PIEZO2: variants seen among roughly 807,000 people sequenced by gnomAD.
The protein encoded by PIEZO2 is piezo-type mechanosensitive ion channel component 2.
A neutral mutation model predicts 337.3 loss-of-function variants in PIEZO2; 172 were observed. The observed-to-expected ratio is 0.51, with a 90% CI of 0.45 to 0.58. The LOEUF (loss-of-function observed/expected upper bound fraction) is 0.58. PIEZO2 is among the 20% of genes least tolerant of loss of function. The pLI is 0.00. For missense variants in PIEZO2, 3,028 were observed against 3,391.3 expected (o/e 0.89, Z 2.66); for synonymous variants, 1,251 against 1,228.5 (o/e 1.02, Z -0.38).
intron 27 of PIEZO2, among the ~76,000 whole-genome samples, chr18:10,755,601 G>T (rs891428802): frequency 6.6e-6 from 1 of 152,200 alleles, no homozygotes; most frequent in African/African-American, 2.4e-5. Flanking sequence ...GTGAATGCAT[G>T]GTGAGAGGTC....
chr18:10,818,350 C>A (rs2040425230), intron 7 of PIEZO2, among the ~76,000 whole-genome samples: 1 of 152,192 alleles, frequency 6.6e-6, no homozygotes, highest in African/African-American at 2.4e-5. Context: ...ATATGTAGCC[C>A]ATTTCATGGC....
chr18:10,995,083 A>AAAAAAAAAAAAAAAG (rs2035268454), intron 2 of PIEZO2, among the ~76,000 whole-genome samples: 6 of 59,878 alleles, frequency 1.0e-4, no homozygotes, highest in African/African-American at 3.3e-4. Context: ...GTCTCAAAAA[A>AAAAAAAAAAAAAAAG]AAAAAAAAAA....
chr18:10,726,821 A>G lies in PIEZO2; in HGVS notation c.5029+4586T>C, dbSNP rs2036564223. On this transcript the variant is annotated intron_variant, in intron 36 of 55. Transcript: ENST00000674853. This position sits in a 1 kb window ranked among gnomAD's most constrained non-coding sequence, Gnocchi z 5.9. ...CACCTGCGGCCCCATGGGGTGCTGG[A>G]TAATACCCGGATGCCCCACCTTATG... The G allele has an allele frequency of 1.9e-6, 3 of 1,573,564 alleles. No individual in the cohort carries two copies. The East Asian group carries it at 6.7e-5, about 35-fold the overall frequency.
intron 3 of PIEZO2, among the ~76,000 whole-genome samples, chr18:10,958,569 AG>A (rs2033635334): frequency 6.6e-6 from 1 of 152,242 alleles, no homozygotes; most frequent in Non-Finnish European, 1.5e-5. Context: ...AAGTTCACAA[AG>A]TAATGGATAT....
rs945856060 is a variant in PIEZO2, at chr18:11,092,579, CT to C, written c.65-26358del. Among the ~76,000 whole-genome samples, 3 of 152,040 alleles carry C rather than the reference CT, an allele frequency of 2.0e-5. No individual in the cohort carries two copies. The highest frequency in any genetic ancestry group is 7.2e-5 in the African/African-American group (3 of 41,394). On this transcript the variant is annotated intron_variant, in intron 1 of 55. Transcript: ENST00000674853. The surrounding 1 kb of genome is among the most constrained non-coding windows in gnomAD (Gnocchi z 4.5). ...AAAATAAGTTATTAATGTTAAAATT[CT>C]TTTTTAAATTCCCTTGAAAAAACCT...
intron 2 of PIEZO2, among the ~76,000 whole-genome samples, chr18:11,065,362 C>T (rs980038312): frequency 3.9e-5 from 6 of 152,104 alleles, no homozygotes; most frequent in African/African-American, 9.7e-5. Context: ...TGGCACAGGC[C>T]GTACTTCTCA....
chr18:10,933,887 C>T lies in PIEZO2; in HGVS notation c.287-22659G>A, dbSNP rs143166719. On this transcript the variant is annotated intron_variant, in intron 3 of 55. Transcript: ENST00000674853. ...AAAGGGGAGTTCCCCTGCACAAGCT[C>T]CCTCTTGCCTGCTGCCATGTAAGAC... Among the ~76,000 whole-genome samples, 383 of 152,334 alleles carry T rather than the reference C, an allele frequency of 2.5e-3. 4 individuals carry two copies. The highest frequency in any genetic ancestry group is 8.8e-3 in the African/African-American group (366 of 41,582).
At position 10,783,846 on chromosome 18, in the gene PIEZO2, T is replaced by C. The variant is rs897965637; in HGVS notation, c.2492+938A>G. Among the ~76,000 whole-genome samples, 7 of 152,242 alleles carry C rather than the reference T, an allele frequency of 4.6e-5. No homozygotes were observed. The highest frequency in any genetic ancestry group is 1.7e-4 in the African/African-American group (7 of 41,458). Reference sequence around the variant, plus strand: ...TAAATGTTTTGGGTCTATCCATAACTCTAGTTCCTACACAGCAGAACGCTG... The same window carrying C: ...TAAATGTTTTGGGTCTATCCATAACCCTAGTTCCTACACAGCAGAACGCTG... On this transcript the variant is annotated intron_variant, in intron 17 of 55. Coordinates refer to ENST00000674853, the MANE Select transcript of PIEZO2 (RefSeq NM_001378183.1). This position sits in a 1 kb window ranked among gnomAD's most constrained non-coding sequence, Gnocchi z 4.3.
chr18:11,000,541 T>A (rs1227253180), intron 2 of PIEZO2, among the ~76,000 whole-genome samples: 1 of 152,144 alleles, frequency 6.6e-6, no homozygotes, highest in African/African-American at 2.4e-5. Flanking sequence ...CCTGCCAGCA[T>A]CACCAGTCGC....
chr18:11,061,356 T>C (rs1431082407), intron 2 of PIEZO2, among the ~76,000 whole-genome samples: 1 of 150,790 alleles, frequency 6.6e-6, no homozygotes, highest in Non-Finnish European at 1.5e-5. Flanking sequence ...AAGACAGGGA[T>C]GCCCTCTCTC....
rs1445669204 is a variant in PIEZO2, at chr18:11,031,909, C to A, written c.160+34218G>T. 2.6e-5 allele frequency among the ~76,000 whole-genome samples: 4 copies of A among 152,132 alleles called. No homozygotes were observed. In the East Asian group the frequency reaches 7.7e-4, roughly 29 times the overall value. The stretch of plus-strand genomic sequence containing the variant: ...GAATATTAGCCCAACCCTTTATTCT[C>A]ACCATCACATTTCCAAGATACGAGA... On this transcript the variant is annotated intron_variant, in intron 2 of 55. Coordinates refer to ENST00000674853, the MANE Select transcript of PIEZO2 (RefSeq NM_001378183.1). The surrounding 1 kb of genome is among the most constrained non-coding windows in gnomAD (Gnocchi z 4.7).
chr18:10,967,209 A>C (rs6505605), intron 3 of PIEZO2, among the ~76,000 whole-genome samples: 1 of 151,434 alleles, frequency 6.6e-6, no homozygotes, highest in Non-Finnish European at 1.5e-5. Flanking sequence ...AGTAGAGACA[A>C]GATTTCACCG....
chr18:11,011,297 G>A (rs898574983), intron 2 of PIEZO2, among the ~76,000 whole-genome samples: 1 of 151,880 alleles, frequency 6.6e-6, no homozygotes, highest in African/African-American at 2.4e-5. Flanking sequence ...AAATTATATT[G>A]CCAATAATTA....
chr18:11,102,285 C>A lies in PIEZO2; in HGVS notation c.65-36063G>T, dbSNP rs142939974. Among the ~76,000 whole-genome samples, 2 of 152,158 alleles carry A rather than the reference C, an allele frequency of 1.3e-5. No individual in the cohort carries two copies. The highest frequency in any genetic ancestry group is 4.8e-5 in the African/African-American group (2 of 41,420). On this transcript the variant is annotated intron_variant, in intron 1 of 55. Coordinates refer to ENST00000674853, the MANE Select transcript of PIEZO2 (RefSeq NM_001378183.1). This position sits in a 1 kb window ranked among gnomAD's most constrained non-coding sequence, Gnocchi z 5.7. ...GTGAGCTTAATCTTCCCTTGCCCTGCGATAAAAACCTGGCACATCCCATGA... is the reference window on the plus strand; with the variant it reads ...GTGAGCTTAATCTTCCCTTGCCCTGAGATAAAAACCTGGCACATCCCATGA...
intron 1 of PIEZO2, among the ~76,000 whole-genome samples, chr18:11,084,318 C>A (rs2038848245): frequency 1.3e-5 from 2 of 152,228 alleles, no homozygotes; most frequent in South Asian, 4.1e-4. Context: ...AGGGCATGTG[C>A]CAGGTGCCAC....
intron 2 of PIEZO2, among the ~76,000 whole-genome samples, chr18:11,019,433 A>T (rs9783919): frequency 2.4e-3 from 365 of 152,292 alleles, no homozygotes; most frequent in African/African-American, 8.5e-3. Flanking sequence ...TGGAACAGGT[A>T]ACTCTTTCCT....
At chr18:11,108,416 C>A (rs994639252) in intron 1 of PIEZO2, among the ~76,000 whole-genome samples, 8 of 151,666 alleles carry the variant, frequency 5.3e-5, no homozygotes, top group African/African-American at 1.9e-4. Flanking sequence ...GAGATCGAGA[C>A]CATCCTGGCT....
chr18:10,812,943 T>C (rs551278569), intron 7 of PIEZO2, among the ~76,000 whole-genome samples: 1 of 152,216 alleles, frequency 6.6e-6, no homozygotes, highest in South Asian at 2.1e-4. Context: ...AAATGTTTAT[T>C]TGAGGCAAAA....
At chr18:10,740,806 C>A in intron 33 of PIEZO2, 1 of 672,420 alleles carries the variant, frequency 1.5e-6, no homozygotes, top group Admixed American at 2.1e-5. Context: ...TGGCTTTCTA[C>A]AGCCAGCACA....
Sources: gnomAD v4.1 joint callset for allele counts (sites outside exome capture counted in the v4.1 genomes callset) on GRCh38, gnomAD v4.1.1 for gene constraint, Gnocchi (gnomAD v3.1) non-coding constraint, MANE v1.5 for transcripts, NCBI Gene and HGNC (gene_info 2026-07-23, HGNC 2026-07-21) for gene names.